TASOR2: variants seen among roughly 807,000 people sequenced by gnomAD.
TASOR2 encodes the protein transcription activation suppressor family member 2.
Under a neutral mutation model 199.5 loss-of-function variants are expected in TASOR2, and 84 were observed. The ratio of observed to expected loss-of-function variants is 0.42; its 90% CI spans 0.35 to 0.50. The LOEUF is 0.50. Ranked by LOEUF, TASOR2 falls within the 20% of genes least tolerant of loss-of-function variation. TASOR2 has a pLI of 0.02. For missense variants in TASOR2, 2,796 were observed against 2,835.9 expected (o/e 0.99, Z 0.32); for synonymous variants, 1,103 against 1,046.6 (o/e 1.05, Z -1.04).
chr10:5,747,814 G>C, exon 15 of TASOR2: 1 of 1,613,878 alleles, frequency 6.2e-7, no homozygotes, highest in Non-Finnish European at 8.5e-7. Flanking sequence ...AGTGGGGCAA[G>C]ATAACTTTAC....
chr10:5,747,561 T>A (rs773543752), exon 15 of TASOR2: 1 of 1,614,130 alleles, frequency 6.2e-7, no homozygotes, highest in South Asian at 1.1e-5. Flanking sequence ...CCCTTGAGAT[T>A]GCAGAGGAAA....
chr10:5,735,268 C>T, intron 11 of TASOR2, 36 bp from the exon 13 acceptor site: 1 of 1,600,138 alleles, frequency 6.2e-7, no homozygotes, highest in South Asian at 1.1e-5. Flanking sequence ...ATCTGGGCCC[C>T]TACCCCTTAC....
At chr10:5,711,410 AT>A (rs1408354254) in intron 1 of TASOR2, among the ~76,000 whole-genome samples, 4 of 152,126 alleles carry the variant, frequency 2.6e-5, no homozygotes, top group African/African-American at 9.7e-5. Flanking sequence ...ACTTCATAAC[AT>A]TTATACTATA....
intron 1 of TASOR2, chr10:5,712,455 T>G: frequency 1.6e-6 from 2 of 1,231,702 alleles, no homozygotes; most frequent in Non-Finnish European, 2.0e-6. Context: ...CACTCCTCCA[T>G]ACTTCTTACT....
rs180911298 is a variant in TASOR2, at chr10:5,737,042, C to T, written c.1447+1496C>T. On this transcript the variant is annotated intron_variant, in intron 12 of 20. Transcript: ENST00000328090. The surrounding 1 kb of genome is among the most constrained non-coding windows in gnomAD (Gnocchi z 4.9). ...TAGCACGATCTCGGCTCACTGCAAC[C>T]TCTGCCTCCCAGGTTCAAGCAGTTT... Among the ~76,000 whole-genome samples, 1 of 152,186 alleles carries T rather than the reference C, an allele frequency of 6.6e-6. No homozygotes were observed. Among genetic ancestry groups the T allele is most frequent in the Non-Finnish European group, 1.5e-5 (1 of 68,032 alleles).
chr10:5,727,572 C>T (rs796168160), intron 10 of TASOR2, among the ~76,000 whole-genome samples: 4 of 152,188 alleles, frequency 2.6e-5, no homozygotes, highest in African/African-American at 9.6e-5. Flanking sequence ...AAAAAAATTA[C>T]TCATACAGTG....
intron 11 of TASOR2, among the ~76,000 whole-genome samples, chr10:5,734,398 A>G (rs191114897): frequency 2.0e-5 from 3 of 152,306 alleles, no homozygotes; most frequent in African/African-American, 7.2e-5. Flanking sequence ...TCTAAGAGTC[A>G]TCATTGTGTA....
At chr10:5,711,599 A>G (rs1831917904) in intron 1 of TASOR2, among the ~76,000 whole-genome samples, 1 of 152,154 alleles carries the variant, frequency 6.6e-6, no homozygotes, top group South Asian at 2.1e-4. Flanking sequence ...AGTTCTTGCT[A>G]AAGTAGAGAC....
rs549952213 is a variant in TASOR2, at chr10:5,719,238, A to T, written c.-99-1306A>T. 2.7e-4 allele frequency among the ~76,000 whole-genome samples: 41 copies of T among 152,378 alleles called. No individual in the cohort carries two copies. Among genetic ancestry groups the T allele is most frequent in the African/African-American group, 9.1e-4 (38 of 41,600 alleles). On this transcript the variant is annotated intron_variant, in intron 3 of 20. Coordinates refer to ENST00000328090, the Ensembl canonical transcript of TASOR2. The surrounding 1 kb of genome is among the most constrained non-coding windows in gnomAD (Gnocchi z 4.1). ...TATCCCATTTTGATATAAGTTAATAACATCTTGTGAACATTGTCTTATGTC... is the reference window on the plus strand; with the variant it reads ...TATCCCATTTTGATATAAGTTAATATCATCTTGTGAACATTGTCTTATGTC...
chr10:5,719,528 A>G lies in TASOR2; in HGVS notation c.-99-1016A>G, dbSNP rs1268165811. ...CAGCTAATTTTTTTGTATTTTTAGTAAAGGCAGGGTTTCACCATGTTGGCC... is the reference window on the plus strand; with the variant it reads ...CAGCTAATTTTTTTGTATTTTTAGTGAAGGCAGGGTTTCACCATGTTGGCC... On this transcript the variant is annotated intron_variant, in intron 3 of 20. Coordinates refer to ENST00000328090, the Ensembl canonical transcript of TASOR2. This position sits in a 1 kb window ranked among gnomAD's most constrained non-coding sequence, Gnocchi z 4.1. Among the ~76,000 whole-genome samples, 2 of 152,152 alleles carry G rather than the reference A, an allele frequency of 1.3e-5. No individual in the cohort carries two copies. The highest frequency in any genetic ancestry group is 3.9e-4 in the East Asian group (2 of 5,172).
rs1042230772 is a variant in TASOR2 at position 5,689,101 on chromosome 10, A to C, written c.-288+3926A>C. On this transcript the variant is annotated intron_variant, in intron 1 of 20. Transcript: ENST00000328090. This position sits in a 1 kb window ranked among gnomAD's most constrained non-coding sequence, Gnocchi z 4.1. ...CTGAAAATGTCTTTATTTTGCAGCC[A>C]TTCTTGAATGATGTTTTTGCTGAAT... 6.6e-6 allele frequency among the ~76,000 whole-genome samples: 1 copy of C among 152,200 alleles called. No individual in the cohort carries two copies. The highest frequency in any genetic ancestry group is 6.5e-5 in the Admixed American group (1 of 15,280).
intron 1 of TASOR2, among the ~76,000 whole-genome samples, chr10:5,708,931 A>G (rs1796052822): frequency 6.6e-6 from 1 of 152,006 alleles, no homozygotes; most frequent in Non-Finnish European, 1.5e-5. Flanking sequence ...CAAGCTCCTG[A>G]GTTCAAACAA....
At position 5,698,352 on chromosome 10, in the gene TASOR2, G is replaced by T. The variant is rs1837398023; in HGVS notation, c.-288+13177G>T. Among the ~76,000 whole-genome samples the T allele has an allele frequency of 2.0e-5, 3 of 152,166 alleles. No individual in the cohort carries two copies. Among genetic ancestry groups the T allele is most frequent in the Non-Finnish European group, 4.4e-5 (3 of 68,032 alleles). On this transcript the variant is annotated intron_variant, in intron 1 of 20. Transcript: ENST00000328090. This position sits in a 1 kb window ranked among gnomAD's most constrained non-coding sequence, Gnocchi z 4.4. The stretch of plus-strand genomic sequence containing the variant: ...AATTCAATGAACACTGTAGAGATGT[G>T]AGTGATAAAAAAATGATTGTGGTTG...
chr10:5,690,206 G>T lies in TASOR2; in HGVS notation c.-288+5031G>T, dbSNP rs1836272622. ...AACCAGCTTTTGCTTTTATTGCTTG[G>T]CTTAGTTGGCTTTTTTAATTTGCTT... On this transcript the variant is annotated intron_variant, in intron 1 of 20. Transcript: ENST00000328090. This position sits in a 1 kb window ranked among gnomAD's most constrained non-coding sequence, Gnocchi z 4.8. Among the ~76,000 whole-genome samples the T allele has an allele frequency of 6.6e-6, 1 of 151,786 alleles. No individual in the cohort carries two copies. Among genetic ancestry groups the T allele is most frequent in the Non-Finnish European group, 1.5e-5 (1 of 67,922 alleles).
intron 8 of TASOR2, 54 bp downstream of exon 9, chr10:5,724,587 T>C (rs1441132021): frequency 5.9e-6 from 3 of 507,894 alleles, no homozygotes; most frequent in Non-Finnish European, 8.8e-6. Flanking sequence ...AATTGATATA[T>C]ATTAGTTGTG....
At position 5,689,716 on chromosome 10, in the gene TASOR2, C is replaced by T. The variant is rs1836212435; in HGVS notation, c.-288+4541C>T. Among the ~76,000 whole-genome samples the T allele has an allele frequency of 6.6e-6, 1 of 152,160 alleles. No homozygotes were observed. The highest frequency in any genetic ancestry group is 2.4e-5 in the African/African-American group (1 of 41,438). On this transcript the variant is annotated intron_variant, in intron 1 of 20. Transcript: ENST00000328090. The surrounding 1 kb of genome is among the most constrained non-coding windows in gnomAD (Gnocchi z 4.1). ...TAATTTATTAAATGTGATTTCCATTCGTGTTATTTATCTTAATGTATAAAT... is the reference window on the plus strand; with the variant it reads ...TAATTTATTAAATGTGATTTCCATTTGTGTTATTTATCTTAATGTATAAAT...
rs888660178 is a variant in TASOR2, at chr10:5,754,907, G to A, written c.6607-1706G>A. Among the ~76,000 whole-genome samples the A allele has an allele frequency of 6.6e-5, 10 of 151,882 alleles. No individual in the cohort carries two copies. The highest frequency in any genetic ancestry group is 1.2e-4 in the African/African-American group (5 of 41,466). On this transcript the variant is annotated intron_variant, in intron 15 of 20. Coordinates refer to ENST00000328090, the Ensembl canonical transcript of TASOR2. The surrounding 1 kb of genome is among the most constrained non-coding windows in gnomAD (Gnocchi z 4.3). ...AAATACAAAAAGAAATTAGCTGGGCGTGGTGGCGGGTGCCTGTAGTCCCAG... is the reference window on the plus strand; with the variant it reads ...AAATACAAAAAGAAATTAGCTGGGCATGGTGGCGGGTGCCTGTAGTCCCAG...
intron 8 of TASOR2, among the ~76,000 whole-genome samples, chr10:5,725,760 AAC>A (rs1373790634): frequency 1.3e-5 from 2 of 152,184 alleles, no homozygotes; most frequent in African/African-American, 4.8e-5. Flanking sequence ...CAGGCTGGGT[AAC>A]AGAGTGATAC....
At chr10:5,707,244 T>TAGAG (rs1163689368) in intron 1 of TASOR2, among the ~76,000 whole-genome samples, 1 of 152,176 alleles carries the variant, frequency 6.6e-6, no homozygotes, top group African/African-American at 2.4e-5. Context: ...AAGGAGGCCT[T>TAGAG]AGAGAGTATA....
Sources: gnomAD v4.1 joint callset for allele counts (sites outside exome capture counted in the v4.1 genomes callset) on GRCh38, gnomAD v4.1.1 for gene constraint, Gnocchi (gnomAD v3.1) non-coding constraint, MANE v1.5 for transcripts, NCBI Gene and HGNC (gene_info 2026-07-23, HGNC 2026-07-21) for gene names.